PRELID2: variants seen among roughly 807,000 people sequenced by gnomAD.
PRELID2 encodes PRELI domain containing 2.
Under a neutral mutation model 28.4 loss-of-function variants are expected in PRELID2, and 25 were observed. The ratio of observed to expected loss-of-function variants is 0.88; its 90% CI spans 0.64 to 1.23. PRELID2 has a LOEUF of 1.23. Among genes scored for constraint, PRELID2 ranks in the 50% most tolerant of loss-of-function variants. The pLI, the probability that PRELID2 is intolerant of heterozygous loss-of-function variation, is 0.00. For missense variants in PRELID2, 201 were observed against 214.4 expected, an observed-to-expected ratio of 0.94 and a Z score of 0.39; for synonymous variants, 76 against 71.6, an observed-to-expected ratio of 1.06 and a Z score of -0.31.
intron 1 of PRELID2, among the ~76,000 whole-genome samples, chr5:145,640,430 C>T (rs926060538): frequency 6.9e-6 from 1 of 144,452 alleles, no homozygotes; most frequent in Non-Finnish European, 1.5e-5. Flanking sequence ...GAGCCGAGAT[C>T]GCGCCACTGC....
At chr5:145,528,487 C>CGAGA (rs1012250625) in intron 1 of PRELID2, among the ~76,000 whole-genome samples, 5 of 151,628 alleles carry the variant, frequency 3.3e-5, no homozygotes, top group Non-Finnish European at 5.9e-5. Flanking sequence ...CATCAGCTCA[C>CGAGA]GAGAGAGAGA....
the PRELID2 span, among the ~76,000 whole-genome samples, chr5:145,297,035 G>A: frequency 2.0e-5 from 3 of 151,948 alleles, no homozygotes; most frequent in African/African-American, 4.8e-5. Context: ...TTTTTGATGG[G>A]GTTGTTTGTT....
At chr5:145,607,778 T>A (rs1481684779) in intron 1 of PRELID2, among the ~76,000 whole-genome samples, 1 of 152,176 alleles carries the variant, frequency 6.6e-6, no homozygotes, top group East Asian at 1.9e-4. Flanking sequence ...AAATGTCAAG[T>A]TCAGGTCCTG....
the PRELID2 span, among the ~76,000 whole-genome samples, chr5:145,270,837 T>C: frequency 2.0e-5 from 3 of 152,046 alleles, no homozygotes; most frequent in African/African-American, 7.2e-5. Context: ...CCACTTTGAA[T>C]TGCCCTGTAT....
At chr5:145,646,614 G>A (rs538054874) in intron 1 of PRELID2, among the ~76,000 whole-genome samples, 7 of 152,136 alleles carry the variant, frequency 4.6e-5, no homozygotes, top group East Asian at 1.9e-4. Flanking sequence ...GAAAAAAGCC[G>A]TTCTGGTTTT....
intron 2 of PRELID2, among the ~76,000 whole-genome samples, 188 bp downstream of exon 2, chr5:145,822,889 C>T (rs1754926983): frequency 6.6e-6 from 1 of 152,152 alleles, no homozygotes. Flanking sequence ...TGGTGCTCTA[C>T]CTGCCACACC....
the PRELID2 span, chr5:145,229,145 C>A: frequency 9.3e-7 from 1 of 1,072,012 alleles, no homozygotes; most frequent in Non-Finnish European, 1.4e-6. Flanking sequence ...GGGTGGGGGC[C>A]AAGTGTGTGT....
intron 5 of PRELID2, among the ~76,000 whole-genome samples, chr5:145,784,431 T>C (rs1372826900): frequency 6.6e-6 from 1 of 152,140 alleles, no homozygotes; most frequent in African/African-American, 2.4e-5. Flanking sequence ...TAAATGGAAG[T>C]TTTAAGAAGT....
chr5:145,710,454 A>C (rs1755663153), intron 1 of PRELID2, among the ~76,000 whole-genome samples: 1 of 152,190 alleles, frequency 6.6e-6, no homozygotes, highest in African/African-American at 2.4e-5. Context: ...AAGTGCTATT[A>C]AAAGATTCTT....
downstream of PRELID2, among the ~76,000 whole-genome samples, chr5:145,753,235 C>T (rs1199676806): frequency 6.7e-6 from 1 of 150,044 alleles, no homozygotes; most frequent in Non-Finnish European, 1.5e-5. Flanking sequence ...GCTATTTTCT[C>T]TCTGCTGCCT....
intron 1 of PRELID2, among the ~76,000 whole-genome samples, chr5:145,496,220 C>T (rs1456849902): frequency 6.6e-6 from 1 of 152,078 alleles, no homozygotes; most frequent in Non-Finnish European, 1.5e-5. Context: ...AAATTTGACT[C>T]GTGTTCTGGC....
intron 1 of PRELID2, among the ~76,000 whole-genome samples, chr5:145,485,867 C>T (rs952477852): frequency 2.6e-5 from 4 of 152,112 alleles, no homozygotes. Context: ...GTATTAAATG[C>T]CTACTGAGAT....
intron 1 of PRELID2, among the ~76,000 whole-genome samples, chr5:145,659,738 A>T (rs1754457694): frequency 1.3e-5 from 2 of 152,228 alleles, no homozygotes; most frequent in Non-Finnish European, 2.9e-5. Context: ...GTGTAAATGC[A>T]CTATTGATTT....
chr5:145,700,875 C>A (rs1350812505), intron 1 of PRELID2, among the ~76,000 whole-genome samples: 3 of 152,118 alleles, frequency 2.0e-5, no homozygotes, highest in African/African-American at 7.2e-5. Flanking sequence ...GTGAGCAAGC[C>A]CCTCCATGGC....
At chr5:145,229,912 C>T in the PRELID2 span, 5 of 749,712 alleles carry the variant, frequency 6.7e-6, no homozygotes, top group Non-Finnish European at 7.4e-6. Flanking sequence ...TGGGAGTCCC[C>T]ACTGTCTCTC....
At chr5:145,353,427 C>A in the PRELID2 span, among the ~76,000 whole-genome samples, 1 of 151,372 alleles carries the variant, frequency 6.6e-6, no homozygotes, top group Non-Finnish European at 1.5e-5. Flanking sequence ...TGTGCCACTG[C>A]ACTACAGCTT....
intron 1 of PRELID2, among the ~76,000 whole-genome samples, chr5:145,499,169 G>T (rs1487688690): frequency 6.6e-6 from 1 of 152,070 alleles, no homozygotes; most frequent in Admixed American, 6.6e-5. Context: ...GATCTCTTGA[G>T]CCCAGGAGGC....
chr5:145,452,906 G>T, the PRELID2 span, among the ~76,000 whole-genome samples: 1 of 152,100 alleles, frequency 6.6e-6, no homozygotes, highest in Non-Finnish European at 1.5e-5. Flanking sequence ...ACAAGAGAGT[G>T]AACTCACCAG....
chr5:145,720,958 A>G (rs1232062347), intron 1 of PRELID2, among the ~76,000 whole-genome samples: 2 of 152,124 alleles, frequency 1.3e-5, no homozygotes, highest in Non-Finnish European at 2.9e-5. Context: ...TATGAAGTAG[A>G]TATATCTGCC....
Sources: gnomAD v4.1 joint callset for allele counts (sites outside exome capture counted in the v4.1 genomes callset) on GRCh38, gnomAD v4.1.1 for gene constraint, MANE v1.5 for transcripts, NCBI Gene and HGNC (gene_info 2026-07-23, HGNC 2026-07-21) for gene names.